Variants in PLCH1 observed in about 807,000 individuals in gnomAD.
The protein encoded by PLCH1 is 1-phosphatidylinositol 4,5-bisphosphate phosphodiesterase eta-1.
PLCH1 carries 60 observed loss-of-function variants against 126.7 expected under a neutral mutation model. The ratio of observed to expected loss-of-function variants is 0.47; its 90% CI spans 0.38 to 0.59. PLCH1 has a LOEUF of 0.59. PLCH1 is among the 20% of genes least tolerant of loss of function. The pLI is 0.00. For missense variants in PLCH1, 1,723 were observed against 2,040.0 expected, an observed-to-expected ratio of 0.84 and a Z score of 2.99; for synonymous variants, 719 against 734.9, an observed-to-expected ratio of 0.98 and a Z score of 0.35.
chr3:155,542,635 C>G (rs1452689113), intron 10 of PLCH1, among the ~76,000 whole-genome samples: 1 of 152,182 alleles, frequency 6.6e-6, no homozygotes, highest in Admixed American at 6.5e-5. Flanking sequence ...GGGAGGCACC[C>G]CCCAGTAGGG....
intron 2 of PLCH1, among the ~76,000 whole-genome samples, chr3:155,602,203 A>C (rs1733833369): frequency 6.6e-6 from 1 of 152,258 alleles, no homozygotes; most frequent in African/African-American, 2.4e-5. Flanking sequence ...GGTTTCAATA[A>C]GACAAAGTAT....
rs77079641 is a variant in PLCH1 at position 155,722,441 on chromosome 3, C to T, written c.-40-18177G>A. Among the ~76,000 whole-genome samples the T allele has an allele frequency of 3.9e-5, 6 of 152,246 alleles. No homozygotes were observed. The South Asian group carries it at 6.2e-4, about 16-fold the overall frequency. ...CCTCCCAAAGTGCTGGGATTACAGGCGTGAGCCACTGTGCCTGGCCTAGAT... is the reference window on the plus strand; with the variant it reads ...CCTCCCAAAGTGCTGGGATTACAGGTGTGAGCCACTGTGCCTGGCCTAGAT... On this transcript the variant is annotated intron_variant, in intron 1 of 22. Coordinates refer to ENST00000460012, the MANE Select transcript of PLCH1 (RefSeq NM_014996.4).
intron 2 of PLCH1, among the ~76,000 whole-genome samples, chr3:155,637,372 A>T (rs1307465331): frequency 6.6e-6 from 1 of 152,356 alleles, no homozygotes; most frequent in Middle Eastern, 3.4e-3. Flanking sequence ...CGAAAGTTCT[A>T]TATGACTTTG....
chr3:155,537,201 CCAAAAA>C (rs1723505596), intron 10 of PLCH1, among the ~76,000 whole-genome samples: 16 of 132,116 alleles, frequency 1.2e-4, no homozygotes, highest in African/African-American at 4.2e-4. Context: ...AAAAAAAAAA[CCAAAAA>C]AAAAAAAAAA....
At position 155,481,567 on chromosome 3, in the gene PLCH1, G is replaced by A. The variant is rs1714060254; in HGVS notation, c.4459C>T (p.Leu1487=). The A allele has an allele frequency of 2.5e-6, 4 of 1,614,134 alleles. No homozygotes were observed. Among genetic ancestry groups the A allele is most frequent in the Non-Finnish European group, 3.4e-6 (4 of 1,180,030 alleles). ...KLPSPCKSKS[L]GDLTSEDIAC... ...ATGTCCTCTGATGTTAAGTCCCCCA[G>A]ACTTTTGGATTTGCAAGGACTAGGC... The change falls in exon 23 of 23, where the codon CTG becomes TTG. Residue 1487 remains leucine, a synonymous_variant. Transcript: ENST00000460012. This position sits in a 1 kb window ranked among gnomAD's most constrained non-coding sequence, Gnocchi z 4.2.
intron 2 of PLCH1, among the ~76,000 whole-genome samples, chr3:155,640,382 G>A (rs941185174): frequency 6.6e-6 from 1 of 152,198 alleles, no homozygotes; most frequent in Non-Finnish European, 1.5e-5. Context: ...ACTAAAATGA[G>A]AGTGAGTGAA....
At chr3:155,605,138 T>TA (rs1170593725) in intron 2 of PLCH1, among the ~76,000 whole-genome samples, 1 of 152,224 alleles carries the variant, frequency 6.6e-6, no homozygotes, top group Non-Finnish European at 1.5e-5. Context: ...AGCATGACCC[T>TA]GTGACCCTGT....
chr3:155,716,004 T>C (rs4680214), intron 1 of PLCH1, among the ~76,000 whole-genome samples: 17,377 of 152,204 alleles, frequency 0.11, 1,178 homozygotes, highest in African/African-American at 0.19. Context: ...TATAAGTAAT[T>C]AAGGTTAAGC....
chr3:155,738,755 C>G (rs895338689), intron 1 of PLCH1, among the ~76,000 whole-genome samples: 12 of 151,208 alleles, frequency 7.9e-5, no homozygotes, highest in Non-Finnish European at 1.6e-4. Flanking sequence ...CCACTGCACT[C>G]CAGCCTGGAC....
chr3:155,481,651 C>A lies in PLCH1; in HGVS notation c.4375G>T (p.Asp1459Tyr). 1.2e-6 allele frequency: 2 copies of A among 1,614,114 alleles called. No individual in the cohort carries two copies. Among genetic ancestry groups the A allele is most frequent in the Non-Finnish European group, 1.7e-6 (2 of 1,180,028 alleles). The change falls in exon 23 of 23, where the codon GAT becomes TAT. Residue 1459 changes from aspartate (D) to tyrosine (Y), a missense_variant. Asp to Tyr is a radical substitution (Grantham distance 160). Around this residue, in one of 2 missense-constraint regions of PLCH1, gnomAD observed 947 missense variants for 977.1 expected, o/e 0.97. Transcript: ENST00000460012. This position sits in a 1 kb window ranked among gnomAD's most constrained non-coding sequence, Gnocchi z 4.2. ...TGCTTGGGTACAGGGACATGCATAT[C>A]TTGAGCACTAGATTGCTGGGGCACA... ...TCVPQQSSAQDMHVPVPKQLA... is the reference protein window; with the variant it reads ...TCVPQQSSAQYMHVPVPKQLA...
intron 2 of PLCH1, among the ~76,000 whole-genome samples, chr3:155,692,765 T>A (rs1258591345): frequency 1.1e-5 from 1 of 87,656 alleles, no homozygotes; most frequent in South Asian, 6.0e-4. Context: ...ATTAGCAATT[T>A]TTTTTTTTTT....
intron 2 of PLCH1, among the ~76,000 whole-genome samples, chr3:155,612,446 A>C (rs1053119157): frequency 2.6e-5 from 4 of 152,062 alleles, no homozygotes; most frequent in Non-Finnish European, 5.9e-5. Context: ...AGAAACAAGA[A>C]CAAACTAAAC....
In PLCH1 at chr3:155,586,095, C is replaced by A. The variant is rs768361437; in HGVS notation, c.570G>T (p.Leu190=). The A allele has an allele frequency of 1.9e-6, 3 of 1,613,822 alleles. No individual in the cohort carries two copies. Among genetic ancestry groups the A allele is most frequent in the Non-Finnish European group, 1.7e-6 (2 of 1,179,878 alleles). ...HQLMHKLNVN[L]PRRKVRQMFQ... is the part of the protein sequence containing the mutation. ...ACATTTGTCTGACTTTTCTTCGGGG[C>A]AGATTAACATTCAGTTTATGCATCA... The change falls in exon 5 of 23, where the codon CTG becomes CTT. Residue 190 remains leucine, a synonymous_variant. Transcript: ENST00000460012.
chr3:155,500,653 A>G (rs1717753611), intron 14 of PLCH1, 50 bp downstream of exon 14: 1 of 1,085,654 alleles, frequency 9.2e-7, no homozygotes, highest in Non-Finnish European at 1.4e-6. Context: ...GCTGACAAGG[A>G]TGGAGGGGCC....
At chr3:155,676,366 G>A in intron 2 of PLCH1, 1 of 1,051,968 alleles carries the variant, frequency 9.5e-7, no homozygotes, top group Non-Finnish European at 1.1e-6. Context: ...GCTACTTTGG[G>A]TATGAGACAT....
intron 21 of PLCH1, among the ~76,000 whole-genome samples, chr3:155,454,481 T>TTAAA (rs1036838188): frequency 7.5e-4 from 114 of 152,204 alleles, no homozygotes; most frequent in East Asian, 3.7e-3. Context: ...AGACCCCATC[T>TTAAA]TAAATAAATA....
chr3:155,618,605 A>G (rs1428771699), intron 2 of PLCH1, among the ~76,000 whole-genome samples: 2 of 152,090 alleles, frequency 1.3e-5, no homozygotes, highest in African/African-American at 4.8e-5. Context: ...ACAACAGGAG[A>G]TTCATTTTCC....
chr3:155,488,061 A>T lies in PLCH1; in HGVS notation c.2586T>A (p.Phe862Leu). 6.2e-7 allele frequency: 1 copy of T among 1,607,212 alleles called. No individual in the cohort carries two copies. The highest frequency in any genetic ancestry group is 8.5e-7 in the Non-Finnish European group (1 of 1,173,634). ...AGATTTCATTGATGGTTATGTGTAC[A>T]AATATGGATGCTTCTGTCAGTCCTT... ...YLEGLTEASIFVHITINEIYG... is the reference protein window; with the variant it reads ...YLEGLTEASILVHITINEIYG... Residue 862 changes from phenylalanine to leucine, a missense_variant, in exon 21 of 23, where the codon TTT (phenylalanine) becomes TTA (leucine). Physicochemically the swap from Phe to Leu is conservative, Grantham distance 22. Transcript: ENST00000460012.
At chr3:155,657,091 G>C (rs1351853435) in intron 2 of PLCH1, among the ~76,000 whole-genome samples, 3 of 147,726 alleles carry the variant, frequency 2.0e-5, no homozygotes, top group Non-Finnish European at 4.5e-5. Context: ...AACTAAATAA[G>C]CTGATTCTTA....
Sources: allele counts gnomAD v4.1 joint callset (sites outside exome capture counted in the v4.1 genomes callset), GRCh38; gene constraint gnomAD v4.1.1; regional missense constraint gnomAD v4.1.1; non-coding constraint Gnocchi (gnomAD v3.1); transcripts MANE v1.5; gene names NCBI Gene and HGNC (gene_info 2026-07-23, HGNC 2026-07-21).